AKAP7: variants seen among roughly 807,000 people sequenced by gnomAD.
AKAP7 encodes A-kinase anchoring protein 7.
AKAP7 carries 39 observed loss-of-function variants against 39.5 expected under a neutral mutation model. The ratio of observed to expected loss-of-function variants is 0.99; its 90% CI spans 0.76 to 1.29. The LOEUF (loss-of-function observed/expected upper bound fraction) is 1.29, where lower values mean the gene tolerates loss of function less well. Among genes scored for constraint, AKAP7 ranks in the 50% most tolerant of loss-of-function variants. The pLI is 0.00. For missense variants in AKAP7, 414 were observed against 407.7 expected, an observed-to-expected ratio of 1.02 and a Z score of -0.13; for synonymous variants, 140 against 139.1, an observed-to-expected ratio of 1.01 and a Z score of -0.05.
intron 7 of AKAP7, among the ~76,000 whole-genome samples, chr6:131,232,793 A>G (rs1810734641): frequency 6.6e-6 from 1 of 152,142 alleles, no homozygotes; most frequent in Non-Finnish European, 1.5e-5. Context: ...CTGTCTCAAA[A>G]AAAGAAAAAA....
At chr6:131,235,232 T>A (rs1003199570) in intron 7 of AKAP7, among the ~76,000 whole-genome samples, 61 of 152,356 alleles carry the variant, frequency 4.0e-4, no homozygotes, top group Admixed American at 1.3e-3. Flanking sequence ...ACAAAGGACA[T>A]GAACTTATCA....
Position 131,187,002 on chromosome 6 carries a change from CA to C in AKAP7, c.590-12458del, listed in dbSNP as rs1805931649. 2.0e-5 allele frequency among the ~76,000 whole-genome samples: 3 copies of C among 152,298 alleles called. No homozygotes were observed. In the South Asian group the frequency reaches 6.2e-4, roughly 32 times the overall value. On this transcript the variant is annotated intron_variant, in intron 5 of 7. Coordinates refer to ENST00000431975, the MANE Select transcript of AKAP7 (RefSeq NM_016377.4). The stretch of plus-strand genomic sequence containing the variant: ...TATATTTGTCTTTATGCATATATTA[CA>C]CCGTCTTGATTACTGTAGATTTGTA...
intron 5 of AKAP7, among the ~76,000 whole-genome samples, chr6:131,180,286 A>G (rs866344460): frequency 3.9e-5 from 6 of 152,318 alleles, no homozygotes; most frequent in Middle Eastern, 3.4e-3. Context: ...GGACTCAACC[A>G]GGATCTTGCT....
chr6:131,129,186 C>T, the AKAP7 span, among the ~76,000 whole-genome samples: 1 of 150,788 alleles, frequency 6.6e-6, no homozygotes, highest in African/African-American at 2.4e-5. Flanking sequence ...ACCAGGGAGG[C>T]TGAGGCAGGA....
intron 5 of AKAP7, chr6:131,185,172 T>C: frequency 1.9e-6 from 1 of 521,408 alleles, no homozygotes; most frequent in East Asian, 4.3e-5. Context: ...CCCCTCCTTC[T>C]TCAGGGTGGG....
At chr6:131,265,435 CTTAATT>C (rs1167618113) in intron 7 of AKAP7, among the ~76,000 whole-genome samples, 1 of 152,098 alleles carries the variant, frequency 6.6e-6, no homozygotes, top group East Asian at 1.9e-4. Context: ...GATTTTCTTA[CTTAATT>C]TTGACAGCAG....
rs376123315 is a variant in AKAP7 at position 131,281,585 on chromosome 6, G to C, written c.906G>C (p.Arg302Ser). The C allele has an allele frequency of 6.2e-7, 1 of 1,613,618 alleles. No individual in the cohort carries two copies. The highest frequency in any genetic ancestry group is 8.5e-7 in the Non-Finnish European group (1 of 1,179,742). ...CTGAACTAGTAAGGCTCAGTAAGAG[G>C]CTGGTGGAGAACGCGGTGCTCAAGG... ...DDAELVRLSKRLVENAVLKAV... is the reference protein window; with the variant it reads ...DDAELVRLSKSLVENAVLKAV... Residue 302 changes from arginine to serine, a missense_variant, in exon 8 of 8, where the codon AGG (arginine) becomes AGC (serine). By Grantham distance (110) the Arg-to-Ser change is moderately radical. Coordinates refer to ENST00000431975, the MANE Select transcript of AKAP7 (RefSeq NM_016377.4). This position sits in a 1 kb window ranked among gnomAD's most constrained non-coding sequence, Gnocchi z 4.0.
At chr6:131,221,964 C>A (rs1469033461) in intron 7 of AKAP7, among the ~76,000 whole-genome samples, 1 of 152,148 alleles carries the variant, frequency 6.6e-6, no homozygotes, top group Non-Finnish European at 1.5e-5. Flanking sequence ...TTTAGACTTT[C>A]AAGGCTTATT....
At chr6:131,256,930 C>T (rs1812913210) in intron 7 of AKAP7, among the ~76,000 whole-genome samples, 1 of 149,190 alleles carries the variant, frequency 6.7e-6, no homozygotes, top group African/African-American at 2.4e-5. Context: ...AAAAGATAAG[C>T]AGTGATGATG....
chr6:131,232,539 C>A (rs184044243), intron 7 of AKAP7, among the ~76,000 whole-genome samples: 1 of 152,076 alleles, frequency 6.6e-6, no homozygotes, highest in African/African-American at 2.4e-5. Context: ...GTTATGAAAT[C>A]GTTACTGGCC....
chr6:131,187,254 C>T (rs1805956740), intron 5 of AKAP7, among the ~76,000 whole-genome samples: 1 of 152,108 alleles, frequency 6.6e-6, no homozygotes, highest in African/African-American at 2.4e-5. Flanking sequence ...TTCATTAAAA[C>T]AGGCAGGATG....
At chr6:131,136,958 A>G in intron 1 of AKAP7, 1 of 696,820 alleles carries the variant, frequency 1.4e-6, no homozygotes, top group South Asian at 6.4e-5. Context: ...GTATGTATGT[A>G]TATATGTATA....
chr6:131,220,412 C>T (rs1231599835), intron 7 of AKAP7, among the ~76,000 whole-genome samples: 1 of 152,178 alleles, frequency 6.6e-6, no homozygotes, highest in Non-Finnish European at 1.5e-5. Context: ...CAGAATAGAG[C>T]TATACTCCAC....
At chr6:131,142,991 G>A (rs1801172923) in intron 1 of AKAP7, among the ~76,000 whole-genome samples, 1 of 152,152 alleles carries the variant, frequency 6.6e-6, no homozygotes, top group African/African-American at 2.4e-5. Flanking sequence ...CTTTCTTTTG[G>A]ATTTCTCTCT....
chr6:131,135,550 G>A lies in AKAP7; in HGVS notation c.-214G>A, dbSNP rs1175336129. 3 of 202,124 alleles carry A rather than the reference G, an allele frequency of 1.5e-5. No individual in the cohort carries two copies. 12.5% of individuals were successfully genotyped at this position (202,124 alleles called of 1,614,324 possible). ...CGCCGCTGCTGCCGCTGCCGCGGGG[G>A]CTGCGGCTTGGGAAGCTCCGCGCTT... On this transcript the variant is annotated 5_prime_UTR_variant, in exon 1 of 8. Transcript: ENST00000431975.
chr6:131,223,953 G>A (rs1204795781), intron 7 of AKAP7, among the ~76,000 whole-genome samples: 2 of 152,014 alleles, frequency 1.3e-5, no homozygotes, highest in Non-Finnish European at 2.9e-5. Flanking sequence ...CCTTATGTGA[G>A]GTAGTTTCTC....
chr6:131,127,574 A>C, the AKAP7 span, among the ~76,000 whole-genome samples: 1 of 152,210 alleles, frequency 6.6e-6, no homozygotes, highest in East Asian at 1.9e-4. Context: ...ATTAATACAT[A>C]AGACTACATA....
intron 1 of AKAP7, among the ~76,000 whole-genome samples, chr6:131,144,471 A>G (rs1801317972): frequency 6.6e-6 from 1 of 152,252 alleles, no homozygotes; most frequent in Admixed American, 6.5e-5. Flanking sequence ...AAATTATATT[A>G]GTATTCCAGG....
intron 5 of AKAP7, among the ~76,000 whole-genome samples, chr6:131,174,003 TGTTG>T (rs1804336829): frequency 6.6e-6 from 1 of 152,190 alleles, no homozygotes; most frequent in Non-Finnish European, 1.5e-5. Flanking sequence ...AGCCCGAAGA[TGTTG>T]GTTTGTTGTT....
Sources: gnomAD v4.1 joint callset for allele counts (sites outside exome capture counted in the v4.1 genomes callset) on GRCh38, gnomAD v4.1.1 for gene constraint, Gnocchi (gnomAD v3.1) non-coding constraint, MANE v1.5 for transcripts, NCBI Gene and HGNC (gene_info 2026-07-23, HGNC 2026-07-21) for gene names.